The following GPR37 variants were observed in gnomAD, a reference collection of about 807,000 sequenced individuals.
GPR37 encodes the protein prosaposin receptor GPR37.
A neutral mutation model predicts 43.6 loss-of-function variants in GPR37; 20 were observed. That is an observed-to-expected ratio of 0.46 (90% CI 0.32 to 0.67). The LOEUF is 0.67. Ranked by LOEUF, GPR37 falls within the 30% of genes least tolerant of loss-of-function variation. The probability of loss-of-function intolerance (pLI) is 0.03; values close to 1 mark genes in which losing one functional copy is unlikely to be tolerated. For synonymous variants in GPR37, 315 were observed against 322.6 expected (o/e 0.98, Z 0.25); for missense variants, 724 against 797.2 (o/e 0.91, Z 1.11).
chr7:124,753,828 CCT>C (rs1176157591), intron 1 of GPR37, among the ~76,000 whole-genome samples: 2 of 151,886 alleles, frequency 1.3e-5, no homozygotes, highest in African/African-American at 4.8e-5. Context: ...ATATTTTGTC[CCT>C]CTGTTAAACA....
rs1333394380 is a variant in GPR37, at chr7:124,764,172, C to T, written c.805G>A (p.Val269Met). The T allele has an allele frequency of 6.3e-7, 1 of 1,598,844 alleles. No individual in the cohort carries two copies. The highest frequency in any genetic ancestry group is 2.2e-5 in the East Asian group (1 of 44,796). Residue 269 changes from valine (V) to methionine (M), a missense_variant, in exon 1 of 2, where the codon GTG (valine) becomes ATG (methionine). Val to Met is a conservative substitution (Grantham distance 21). This residue lies in a region of GPR37 where 342 missense variants were observed against 441.8 expected (regional missense o/e 0.77). Coordinates refer to ENST00000303921, the MANE Select transcript of GPR37 (RefSeq NM_005302.5). The surrounding 1 kb of genome is among the most constrained non-coding windows in gnomAD (Gnocchi z 5.4). ...ATGATGCCGGTCCCGAAGATCACCA[C>T]GGACAGACACATGACCGCGTAGGCT... is the stretch of plus-strand genomic sequence containing the variant. ...YGAYAVMCLS[V>M]VIFGTGIIGN...
At chr7:124,758,375 C>T (rs1186147271) in intron 1 of GPR37, among the ~76,000 whole-genome samples, 3 of 152,184 alleles carry the variant, frequency 2.0e-5, no homozygotes, top group African/African-American at 7.2e-5. Context: ...ATATTGAGCA[C>T]ATTTTCCCTA....
In GPR37 at chr7:124,747,001, G is replaced by T. The variant is rs368557705; in HGVS notation, c.1366C>A (p.Leu456Ile). Residue 456 changes from leucine (L) to isoleucine (I), a missense_variant, in exon 2 of 2, where the codon CTT becomes ATT. Leu to Ile is a conservative substitution (Grantham distance 5, BLOSUM62 2). Around this residue, in one of 2 missense-constraint regions of GPR37, gnomAD observed 342 missense variants for 441.8 expected, o/e 0.77. Transcript: ENST00000303921. Reference protein sequence around the residue: ...YFGCYFCLPTLFTITCSLVTA... With the variant: ...YFGCYFCLPTIFTITCSLVTA... Reference sequence around the variant, plus strand: ...ACTAGAGAGCAGGTGATGGTGAAAAGCGTGGGCAAACAAAAGTAACAGCCA... The same window carrying T: ...ACTAGAGAGCAGGTGATGGTGAAAATCGTGGGCAAACAAAAGTAACAGCCA... 6 of 1,614,002 alleles carry T rather than the reference G, an allele frequency of 3.7e-6. No individual in the cohort carries two copies. Among genetic ancestry groups the T allele is most frequent in the East Asian group, 2.2e-5 (1 of 44,858 alleles).
In GPR37 at chr7:124,764,630, G is replaced by T; in HGVS notation, c.347C>A (p.Pro116Gln). ...ACCTTTCCACCTCCAGGGGCCAGGT[G>T]GCCTGGTTGGAGGTCCCGGGGGTCC... ...AAGPPGPPTR[P>Q]PGPWRWKGAR... Residue 116 changes from proline to glutamine, a missense_variant, in exon 1 of 2, where the codon CCA (proline) becomes CAA (glutamine). Physicochemically the swap from Pro to Gln is moderately conservative, Grantham distance 76 (BLOSUM62 -1). Around this residue, in one of 2 missense-constraint regions of GPR37, gnomAD observed 382 missense variants for 355.4 expected, o/e 1.07. Transcript: ENST00000303921. The surrounding 1 kb of genome is among the most constrained non-coding windows in gnomAD (Gnocchi z 5.4). 6.3e-7 allele frequency: 1 copy of T among 1,590,758 alleles called. No homozygotes were observed. The highest frequency in any genetic ancestry group is 8.6e-7 in the Non-Finnish European group (1 of 1,167,784).
chr7:124,757,013 C>T (rs954373664), intron 1 of GPR37, among the ~76,000 whole-genome samples: 3 of 152,160 alleles, frequency 2.0e-5, no homozygotes, highest in Admixed American at 2.0e-4. Context: ...GCTGACATGG[C>T]AGGATACCTT....
rs965859029 is a variant in GPR37 at position 124,765,784 on chromosome 7, C to G, written c.-808G>C. On this transcript the variant is annotated 5_prime_UTR_variant, in exon 1 of 2. Transcript: ENST00000303921. ...TGGACAGTGCCGCTAGCCGCGGGAG[C>G]TAGTCACTGCCACAGCGGGCTCAGC... Among the ~76,000 whole-genome samples the G allele has an allele frequency of 6.6e-6, 1 of 152,192 alleles. No homozygotes were observed. Among genetic ancestry groups the G allele is most frequent in the Non-Finnish European group, 1.5e-5 (1 of 68,034 alleles).
In GPR37 at chr7:124,746,062, AAAG is replaced by A. The variant is rs1280622431; in HGVS notation, c.*460_*462del. 2.0e-5 allele frequency: 3 copies of A among 152,514 alleles called. No homozygotes were observed. The highest frequency in any genetic ancestry group is 4.4e-5 in the Non-Finnish European group (3 of 68,246). 9.4% of individuals were successfully genotyped at this position (152,514 alleles called of 1,614,324 possible). ...TTAAAAGTAGATTGACAATGACATT[AAAG>A]AATAAAGTGTAATTTATTTGGTGCT... On this transcript the variant is annotated 3_prime_UTR_variant, in exon 2 of 2. Coordinates refer to ENST00000303921, the MANE Select transcript of GPR37 (RefSeq NM_005302.5).
intron 1 of GPR37, among the ~76,000 whole-genome samples, chr7:124,747,925 G>A (rs1793691704): frequency 6.6e-6 from 1 of 152,160 alleles, no homozygotes; most frequent in South Asian, 2.1e-4. Flanking sequence ...CGGAAAACAA[G>A]AAAGGGAAAT....
rs1366874999 is a variant in GPR37, at chr7:124,765,134, T to C, written c.-158A>G. On this transcript the variant is annotated 5_prime_UTR_variant, in exon 1 of 2. Transcript: ENST00000303921. ...TAGGGTGATAGCGGAAGATCGGTCT[T>C]GGGGGTCACACACACGCCCCCTATA... 1 of 614,582 alleles carries C rather than the reference T, an allele frequency of 1.6e-6. No individual in the cohort carries two copies. Among genetic ancestry groups the C allele is most frequent in the South Asian group, 2.5e-5 (1 of 39,356 alleles). 38.1% of individuals were successfully genotyped at this position (614,582 alleles called of 1,614,324 possible). A position where few individuals can be genotyped will look rare whatever the true frequency, so the allele number is the denominator to read the frequency against.
chr7:124,749,471 G>A (rs555365240), intron 1 of GPR37, among the ~76,000 whole-genome samples: 1 of 152,188 alleles, frequency 6.6e-6, no homozygotes. Flanking sequence ...AAGGGATGAT[G>A]TTGACAAAAG....
chr7:124,760,959 C>T (rs1277011186), intron 1 of GPR37, among the ~76,000 whole-genome samples: 2 of 152,050 alleles, frequency 1.3e-5, no homozygotes, highest in African/African-American at 2.4e-5. Flanking sequence ...AGATCAAGAC[C>T]ATCCTGGCCA....
In GPR37 at chr7:124,746,817, T is replaced by C. The variant is rs753480808; in HGVS notation, c.1550A>G (p.Tyr517Cys). The C allele has an allele frequency of 1.7e-5, 28 of 1,614,004 alleles. No individual in the cohort carries two copies. Among genetic ancestry groups the C allele is most frequent in the Non-Finnish European group, 2.2e-5 (26 of 1,179,972 alleles). ...CTGCTGTGAAACCCCTGTAGCCATG[T>C]AGGCAGTAACAATGTTGCAGATATT... is the stretch of plus-strand genomic sequence containing the variant. ...PENICNIVTAYMATGVSQQTM... is the reference protein window; with the variant it reads ...PENICNIVTACMATGVSQQTM... Residue 517 changes from tyrosine to cysteine, a missense_variant, in exon 2 of 2, where the codon TAC becomes TGC. Tyr to Cys is a radical substitution (Grantham distance 194). Transcript: ENST00000303921.
Position 124,746,808 on chromosome 7 carries a change from G to C in GPR37, c.1559C>G (p.Thr520Arg). ...ICNIVTAYMA[T>R]GVSQQTMDLL... ...GTCCATTGTCTGCTGTGAAACCCCTGTAGCCATGTAGGCAGTAACAATGTT... is the reference window on the plus strand; with the variant it reads ...GTCCATTGTCTGCTGTGAAACCCCTCTAGCCATGTAGGCAGTAACAATGTT... Residue 520 changes from threonine (T) to arginine (R), a missense_variant, in exon 2 of 2, where the codon ACA (threonine) becomes AGA (arginine). Physicochemically the swap from Thr to Arg is moderately conservative, Grantham distance 71. Coordinates refer to ENST00000303921, the MANE Select transcript of GPR37 (RefSeq NM_005302.5). The C allele has an allele frequency of 6.2e-7, 1 of 1,614,040 alleles. No homozygotes were observed.
intron 1 of GPR37, among the ~76,000 whole-genome samples, chr7:124,761,491 A>G (rs1210386957): frequency 1.3e-5 from 2 of 152,190 alleles, no homozygotes; most frequent in East Asian, 3.8e-4. Context: ...GTGTCAGCTG[A>G]GGTCTCTGTG....
chr7:124,748,627 T>C (rs774958897), intron 1 of GPR37, among the ~76,000 whole-genome samples: 5 of 151,956 alleles, frequency 3.3e-5, no homozygotes, highest in Non-Finnish European at 7.4e-5. Context: ...GATACTAAAA[T>C]AGAACATGTA....
intron 1 of GPR37, among the ~76,000 whole-genome samples, chr7:124,762,848 T>C (rs898955868): frequency 3.3e-5 from 5 of 152,206 alleles, no homozygotes; most frequent in African/African-American, 1.2e-4. Flanking sequence ...TCACAGGCCC[T>C]GGTGCCAGAC....
At chr7:124,756,453 C>T (rs560757218) in intron 1 of GPR37, among the ~76,000 whole-genome samples, 60 of 152,134 alleles carry the variant, frequency 3.9e-4, no homozygotes, top group African/African-American at 9.4e-4. Context: ...TCATATCCTG[C>T]GTTTTATGGA....
Position 124,747,052 on chromosome 7 carries a change from C to T in GPR37, c.1315G>A (p.Asp439Asn), listed in dbSNP as rs757152085. 123 of 1,613,760 alleles carry T rather than the reference C, an allele frequency of 7.6e-5. No individual in the cohort carries two copies. Among genetic ancestry groups the T allele is most frequent in the Non-Finnish European group, 9.7e-5 (114 of 1,179,886 alleles). ...AAATACCACCACAGTCTCGCACTGT[C>T]GTAGGTGAGGGCTAGAACATAGATG... ...DTIYVLALTY[D>N]SARLWWYFGC... Residue 439 changes from aspartate to asparagine, a missense_variant, in exon 2 of 2, where the codon GAC becomes AAC. By Grantham distance (23) the Asp-to-Asn change is conservative. This residue lies in a region of GPR37 where 342 missense variants were observed against 441.8 expected (regional missense o/e 0.77). Transcript: ENST00000303921.
intron 1 of GPR37, among the ~76,000 whole-genome samples, chr7:124,758,048 A>C (rs1250767513): frequency 6.6e-6 from 1 of 152,232 alleles, no homozygotes; most frequent in Non-Finnish European, 1.5e-5. Context: ...GAAGTTAAAA[A>C]ATCAATTTTC....
Sources: allele counts gnomAD v4.1 joint callset (sites outside exome capture counted in the v4.1 genomes callset), GRCh38; gene constraint gnomAD v4.1.1; regional missense constraint gnomAD v4.1.1; non-coding constraint Gnocchi (gnomAD v3.1); transcripts MANE v1.5; gene names NCBI Gene and HGNC (gene_info 2026-07-23, HGNC 2026-07-21).